Variants in GPR107 observed in about 807,000 individuals in gnomAD.
GPR107 encodes protein GPR107.
A neutral mutation model predicts 75.5 loss-of-function variants in GPR107; 31 were observed. The ratio of observed to expected loss-of-function variants is 0.41; its 90% CI spans 0.31 to 0.55. The LOEUF (loss-of-function observed/expected upper bound fraction) is 0.55, where lower values mean the gene tolerates loss of function less well. GPR107 is among the 20% of genes least tolerant of loss of function. GPR107 has a pLI of 0.26. For missense variants in GPR107, 572 were observed against 665.7 expected (o/e 0.86, Z 1.55); for synonymous variants, 267 against 251.3 (o/e 1.06, Z -0.59).
intron 1 of GPR107, among the ~76,000 whole-genome samples, chr9:130,071,869 G>C (rs927844486): frequency 1.3e-5 from 2 of 151,950 alleles, no homozygotes; most frequent in African/African-American, 4.8e-5. Flanking sequence ...ACTTTTAGTA[G>C]AGACGGGGTT....
intron 17 of GPR107, 57 bp from the exon 18 acceptor site, chr9:130,134,968 G>T: frequency 1.1e-6 from 1 of 949,582 alleles, no homozygotes; most frequent in Non-Finnish European, 1.7e-6. Flanking sequence ...TGGCAGAGAT[G>T]GCCTTTTACT....
At chr9:130,102,721 A>G (rs1035418433) in intron 12 of GPR107, among the ~76,000 whole-genome samples, 1 of 152,196 alleles carries the variant, frequency 6.6e-6, no homozygotes, top group African/African-American at 2.4e-5. Flanking sequence ...TCTGTCTCTC[A>G]TGCAGTGTGT....
intron 7 of GPR107, among the ~76,000 whole-genome samples, chr9:130,089,651 T>C (rs1221919611): frequency 1.3e-5 from 2 of 152,194 alleles, no homozygotes; most frequent in Admixed American, 6.5e-5. Flanking sequence ...AAAAAAATTA[T>C]ATCTTTTAAA....
At chr9:130,111,130 T>A (rs375196937) in intron 14 of GPR107, among the ~76,000 whole-genome samples, 1 of 152,106 alleles carries the variant, frequency 6.6e-6, no homozygotes, top group Admixed American at 6.5e-5. Flanking sequence ...ATGCTGGCAT[T>A]ACAGGTGTGA....
chr9:130,113,483 G>A (rs924640809), intron 14 of GPR107, among the ~76,000 whole-genome samples: 1 of 151,668 alleles, frequency 6.6e-6, no homozygotes, highest in African/African-American at 2.4e-5. Flanking sequence ...CACCCACCTC[G>A]GCCTCCCAAA....
Position 130,087,124 on chromosome 9 carries a change from A to G in GPR107, c.621+648A>G, listed in dbSNP as rs564597422. Among the ~76,000 whole-genome samples, 11 of 151,448 alleles carry G rather than the reference A, an allele frequency of 7.3e-5. No individual in the cohort carries two copies. The South Asian group carries it at 1.3e-3, about 17-fold the overall frequency. Reference sequence around the variant, plus strand: ...ATAATCACGGCTCACTGCAGCCTCAACCTCCTAGGCTCAAGTGATCCTCCT... The same window carrying G: ...ATAATCACGGCTCACTGCAGCCTCAGCCTCCTAGGCTCAAGTGATCCTCCT... On this transcript the variant is annotated intron_variant, in intron 7 of 17. Coordinates refer to ENST00000347136, the MANE Select transcript of GPR107 (RefSeq NM_020960.5).
rs1417002503 is a variant in GPR107 at position 130,103,473 on chromosome 9, C to T, written c.1132-947C>T. Among the ~76,000 whole-genome samples, 1 of 152,138 alleles carries T rather than the reference C, an allele frequency of 6.6e-6. No individual in the cohort carries two copies. The highest frequency in any genetic ancestry group is 1.5e-5 in the Non-Finnish European group (1 of 68,024). ...AGGATGTATTATAAGTGGTAAATTT[C>T]CCTTATGCTCTGTGGCATCTCAGTT... is the stretch of plus-strand genomic sequence containing the variant. On this transcript the variant is annotated intron_variant, in intron 12 of 17. Transcript: ENST00000347136. The surrounding 1 kb of genome is among the most constrained non-coding windows in gnomAD (Gnocchi z 4.3).
At chr9:130,131,888 C>G (rs1193177415) in intron 17 of GPR107, among the ~76,000 whole-genome samples, 1 of 152,094 alleles carries the variant, frequency 6.6e-6, no homozygotes, top group Non-Finnish European at 1.5e-5. Flanking sequence ...GTCCATCCTT[C>G]TATTCCCCTG....
rs575181561 is a variant in GPR107 at position 130,101,623 on chromosome 9, CAG to C, written c.1131+401_1131+402del. 3.3e-5 allele frequency among the ~76,000 whole-genome samples: 5 copies of C among 152,316 alleles called. No individual in the cohort carries two copies. In the East Asian group the frequency reaches 9.6e-4, roughly 29 times the overall value. On this transcript the variant is annotated intron_variant, in intron 12 of 17. Transcript: ENST00000347136. Reference sequence around the variant, plus strand: ...CGTGAACTACACCAGTGAGTTTCCACAGGTAGAATATGGTAGTAGACGTGAGG... The same window carrying C: ...CGTGAACTACACCAGTGAGTTTCCACGTAGAATATGGTAGTAGACGTGAGG...
intron 6 of GPR107, among the ~76,000 whole-genome samples, chr9:130,084,499 T>C (rs964946653): frequency 1.3e-5 from 2 of 150,722 alleles, no homozygotes; most frequent in Admixed American, 1.3e-4. Flanking sequence ...GATTCCTGGC[T>C]GGGCATGGTG....
At chr9:130,077,502 A>G (rs780002828) in intron 4 of GPR107, 124 bp downstream of exon 4, 2 of 656,170 alleles carry the variant, frequency 3.0e-6, no homozygotes, top group Non-Finnish European at 5.5e-6. Context: ...TGGAGATTCA[A>G]GACAAGGCTA....
At chr9:130,086,699 A>G (rs1373376837) in intron 7 of GPR107, among the ~76,000 whole-genome samples, 3 of 152,150 alleles carry the variant, frequency 2.0e-5, no homozygotes, top group African/African-American at 4.8e-5. Flanking sequence ...CTTTGTGACT[A>G]TCTAGTGTAG....
At chr9:130,065,127 A>C (rs187838048) in intron 1 of GPR107, among the ~76,000 whole-genome samples, 1 of 152,272 alleles carries the variant, frequency 6.6e-6, no homozygotes, top group Non-Finnish European at 1.5e-5. Flanking sequence ...TTTTTGAGTA[A>C]TAACTTTCAG....
chr9:130,121,768 G>A lies in GPR107; in HGVS notation c.1307-3147G>A, dbSNP rs1265864863. ...ATGCTTACCCCTGTCAGGACACCTT[G>A]AAACCCAGCAGTGAAAACATGACAC... On this transcript the variant is annotated intron_variant, in intron 14 of 17. Coordinates refer to ENST00000347136, the MANE Select transcript of GPR107 (RefSeq NM_020960.5). 2.0e-5 allele frequency among the ~76,000 whole-genome samples: 3 copies of A among 152,326 alleles called. No homozygotes were observed. In the East Asian group the frequency reaches 5.8e-4, roughly 29 times the overall value.
At chr9:130,070,006 T>A (rs10988587) in intron 1 of GPR107, among the ~76,000 whole-genome samples, 13 of 25,052 alleles carry the variant, frequency 5.2e-4, no homozygotes, top group East Asian at 4.2e-3. Flanking sequence ...TTTTTTTTTT[T>A]TTTTTAAATT....
In GPR107 at chr9:130,102,119, G is replaced by T. The variant is rs117525497; in HGVS notation, c.1131+896G>T. ...GCACTCAAGTTGGAAGGATCAAGGA[G>T]GGCTTTGTGACAGAGATAGGGCTGG... is the stretch of plus-strand genomic sequence containing the variant. On this transcript the variant is annotated intron_variant, in intron 12 of 17. Transcript: ENST00000347136. 5.7e-3 allele frequency among the ~76,000 whole-genome samples: 875 copies of T among 152,334 alleles called. 10 individuals are homozygous for T. The highest frequency in any genetic ancestry group is 0.017 in the Middle Eastern group (5 of 294).
At chr9:130,058,976 A>G (rs746000253) in intron 1 of GPR107, among the ~76,000 whole-genome samples, 1 of 152,228 alleles carries the variant, frequency 6.6e-6, no homozygotes, top group Non-Finnish European at 1.5e-5. Context: ...AAACGTTCAC[A>G]TTGCAAGGCT....
rs1263080664 is a variant in GPR107 at position 130,112,988 on chromosome 9, G to T, written c.1306+5449G>T. Among the ~76,000 whole-genome samples, 1 of 152,060 alleles carries T rather than the reference G, an allele frequency of 6.6e-6. No homozygotes were observed. Among genetic ancestry groups the T allele is most frequent in the Non-Finnish European group, 1.5e-5 (1 of 68,014 alleles). On this transcript the variant is annotated intron_variant, in intron 14 of 17. Coordinates refer to ENST00000347136, the MANE Select transcript of GPR107 (RefSeq NM_020960.5). The surrounding 1 kb of genome is among the most constrained non-coding windows in gnomAD (Gnocchi z 4.0). ...TAGTCTCAAACTCCTGAGCTCAAGT[G>T]ATCCACCCACCTAGGCCTCCCAGAG...
intron 1 of GPR107, among the ~76,000 whole-genome samples, chr9:130,073,599 C>T (rs1208793609): frequency 2.0e-5 from 3 of 152,146 alleles, no homozygotes; most frequent in Non-Finnish European, 2.9e-5. Context: ...CACCACATAG[C>T]CAAGCTCCTA....
Sources: gnomAD v4.1 joint callset for allele counts (sites outside exome capture counted in the v4.1 genomes callset) on GRCh38, gnomAD v4.1.1 for gene constraint, Gnocchi (gnomAD v3.1) non-coding constraint, MANE v1.5 for transcripts, NCBI Gene and HGNC (gene_info 2026-07-23, HGNC 2026-07-21) for gene names.